Variants in SRPK2 observed in about 807,000 individuals in gnomAD.
SRPK2 encodes SFRS protein kinase 2.
SRPK2 carries 21 observed loss-of-function variants against 90.8 expected under a neutral mutation model. The observed-to-expected ratio is 0.23, with a 90% confidence interval of 0.16 to 0.33. SRPK2 has a LOEUF of 0.33. Among genes scored for constraint, SRPK2 ranks in the 10% least tolerant of loss-of-function variants. The pLI is 1.00. For synonymous variants in SRPK2, 288 were observed against 311.1 expected (o/e 0.93, Z 0.78); for missense variants, 620 against 869.0 (o/e 0.71, Z 3.60).
intron 2 of SRPK2, among the ~76,000 whole-genome samples, chr7:105,377,633 T>C (rs1820460276): frequency 1.3e-5 from 2 of 151,948 alleles, no homozygotes; most frequent in Admixed American, 6.6e-5. Flanking sequence ...GGGAGGCAGA[T>C]GCTGCAGTGA....
At chr7:105,210,939 T>C (rs965954146) in intron 2 of SRPK2, among the ~76,000 whole-genome samples, 1 of 152,056 alleles carries the variant, frequency 6.6e-6, no homozygotes, top group African/African-American at 2.4e-5. Flanking sequence ...AAGACCTCAG[T>C]TCTACGAACT....
chr7:105,275,293 ATTTTC>A (rs1341963254), intron 2 of SRPK2, among the ~76,000 whole-genome samples: 1 of 152,114 alleles, frequency 6.6e-6, no homozygotes, highest in African/African-American at 2.4e-5. Context: ...TTAAAATGCT[ATTTTC>A]TTTTATCTCC....
At chr7:105,278,556 T>G (rs756544271) in intron 2 of SRPK2, among the ~76,000 whole-genome samples, 65 of 147,682 alleles carry the variant, frequency 4.4e-4, no homozygotes, top group Non-Finnish European at 8.3e-4. Flanking sequence ...AGTGGTGGCA[T>G]GTGCCTGTAG....
At chr7:105,172,139 C>CCA (rs1371484930) in intron 3 of SRPK2, among the ~76,000 whole-genome samples, 2 of 152,142 alleles carry the variant, frequency 1.3e-5, no homozygotes, top group Non-Finnish European at 2.9e-5. Flanking sequence ...GGTGATCCAC[C>CCA]CACCTTGGCC....
chr7:105,323,329 G>A (rs542241266), intron 2 of SRPK2, among the ~76,000 whole-genome samples: 1 of 152,180 alleles, frequency 6.6e-6, no homozygotes, highest in African/African-American at 2.4e-5. Context: ...ACAAATGAAG[G>A]TAAAGCCTTC....
At chr7:105,344,696 G>T (rs1298673085) in intron 2 of SRPK2, among the ~76,000 whole-genome samples, 3 of 151,968 alleles carry the variant, frequency 2.0e-5, no homozygotes, top group Non-Finnish European at 4.4e-5. Flanking sequence ...CTAACTTAAA[G>T]ATTTGACTAT....
chr7:105,323,088 A>T (rs925315575), intron 2 of SRPK2, among the ~76,000 whole-genome samples: 2 of 152,082 alleles, frequency 1.3e-5, no homozygotes, highest in African/African-American at 4.8e-5. Context: ...AATCCCAGCT[A>T]CTCGGGTGGC....
At chr7:105,371,395 T>A (rs1819667606) in intron 2 of SRPK2, among the ~76,000 whole-genome samples, 1 of 151,876 alleles carries the variant, frequency 6.6e-6, no homozygotes, top group South Asian at 2.1e-4. Flanking sequence ...TCCCACTGTT[T>A]TGCAAACAGG....
chr7:105,254,953 G>T (rs918086527), intron 2 of SRPK2, among the ~76,000 whole-genome samples: 48 of 151,890 alleles, frequency 3.2e-4, no homozygotes, highest in Non-Finnish European at 5.3e-4. Context: ...GCCTCCCAAA[G>T]TGCTGGGATT....
At chr7:105,369,359 G>A (rs1819455358) in intron 2 of SRPK2, among the ~76,000 whole-genome samples, 1 of 151,942 alleles carries the variant, frequency 6.6e-6, no homozygotes, top group African/African-American at 2.4e-5. Context: ...CGCTGGCCAG[G>A]CTGGTATCGA....
intron 2 of SRPK2, among the ~76,000 whole-genome samples, chr7:105,310,728 C>T (rs896860522): frequency 6.6e-6 from 1 of 152,084 alleles, no homozygotes; most frequent in Non-Finnish European, 1.5e-5. Flanking sequence ...TACACTACTG[C>T]TATATATTTA....
chr7:105,315,787 G>A (rs1056087206), intron 2 of SRPK2, among the ~76,000 whole-genome samples: 7 of 152,112 alleles, frequency 4.6e-5, no homozygotes, highest in Non-Finnish European at 1.0e-4. Context: ...TATTCATGGT[G>A]AACAAACAAT....
Position 105,142,460 on chromosome 7 carries a change from T to A in SRPK2, c.1091A>T (p.Asp364Val). The A allele has an allele frequency of 5.6e-6, 9 of 1,611,702 alleles. No homozygotes were observed. The highest frequency in any genetic ancestry group is 7.6e-6 in the Non-Finnish European group (9 of 1,179,134). Residue 364 changes from aspartate to valine, a missense_variant, in exon 11 of 16, where the codon GAT becomes GTT. Physicochemically the swap from Asp to Val is radical, Grantham distance 152. Transcript: ENST00000393651. ...GEAEDQEEKE[D>V]AEKENIEKDE... Reference sequence around the variant, plus strand: ...TTTTTCAATGTTTTCTTTCTCAGCATCTTCTTTCTCTTCCTGGTCCTCAGC... The same window carrying A: ...TTTTTCAATGTTTTCTTTCTCAGCAACTTCTTTCTCTTCCTGGTCCTCAGC...
At chr7:105,163,349 G>A (rs1321905385) in intron 6 of SRPK2, among the ~76,000 whole-genome samples, 1 of 152,120 alleles carries the variant, frequency 6.6e-6, no homozygotes, top group Non-Finnish European at 1.5e-5. Context: ...GTGAAAAAAT[G>A]GTGAAATCAC....
At chr7:105,331,647 A>G (rs985800351) in intron 2 of SRPK2, among the ~76,000 whole-genome samples, 3 of 152,208 alleles carry the variant, frequency 2.0e-5, no homozygotes, top group Non-Finnish European at 4.4e-5. Context: ...CTGATTTTTC[A>G]GAGTTTGAAT....
chr7:105,142,618 G>C, intron 10 of SRPK2, 128 bp from the exon 11 acceptor site: 1 of 1,283,864 alleles, frequency 7.8e-7, no homozygotes, highest in Non-Finnish European at 1.0e-6. Context: ...ACACCTCTTG[G>C]CTTTTGGGGT....
intron 1 of SRPK2, among the ~76,000 whole-genome samples, chr7:105,395,656 G>T (rs898339893): frequency 1.3e-5 from 2 of 152,040 alleles, no homozygotes; most frequent in Non-Finnish European, 2.9e-5. Context: ...CTTGAACCTG[G>T]GAGACAGAAG....
chr7:105,261,956 G>C (rs1314971133), intron 2 of SRPK2, among the ~76,000 whole-genome samples: 1 of 152,154 alleles, frequency 6.6e-6, no homozygotes, highest in African/African-American at 2.4e-5. Flanking sequence ...CATGAGACAA[G>C]GCTGGAGAGG....
chr7:105,201,797 T>C (rs1795593839), intron 3 of SRPK2, among the ~76,000 whole-genome samples: 1 of 151,900 alleles, frequency 6.6e-6, no homozygotes, highest in South Asian at 2.1e-4. Context: ...GATGGGAGGA[T>C]TGCTCAGGCC....
Sources: gnomAD v4.1 joint callset for allele counts (sites outside exome capture counted in the v4.1 genomes callset) on GRCh38, gnomAD v4.1.1 for gene constraint, MANE v1.5 for transcripts, NCBI Gene and HGNC (gene_info 2026-07-23, HGNC 2026-07-21) for gene names.